The following RIPOR1 variants were observed in gnomAD, a reference collection of about 807,000 sequenced individuals.
The protein encoded by RIPOR1 is RHO family interacting cell polarization regulator 1.
Under a neutral mutation model 116.5 loss-of-function variants are expected in RIPOR1, and 58 were observed. The ratio of observed to expected loss-of-function variants is 0.50; its 90% CI spans 0.40 to 0.62. RIPOR1 has a LOEUF of 0.62. Among genes scored for constraint, RIPOR1 ranks in the 20% least tolerant of loss-of-function variants. The probability of loss-of-function intolerance (pLI) is 0.00; values close to 1 mark genes in which losing one functional copy is unlikely to be tolerated. For synonymous variants in RIPOR1, 605 were observed against 650.0 expected (o/e 0.93, Z 1.05); for missense variants, 1,372 against 1,586.2 (o/e 0.86, Z 2.29).
At chr16:67,534,409 G>A (rs115119675) in intron 1 of RIPOR1, among the ~76,000 whole-genome samples, 1,799 of 152,216 alleles carry the variant, frequency 0.012, 48 homozygotes, top group African/African-American at 0.041. Context: ...GTAAGCCACC[G>A]CACCGGCCCA....
rs2051147371 is a variant in RIPOR1 at position 67,545,833 on chromosome 16, G to A, written c.3360G>A (p.Leu1120=). The A allele has an allele frequency of 1.9e-6, 3 of 1,608,420 alleles. No individual in the cohort carries two copies. The East Asian group carries it at 6.7e-5, about 36-fold the overall frequency. ...CTGTCAGCACCCAGCTCCGGAGCCT[G>A]TCACTGGGCCCTACCTTCCGGGAGA... The part of the protein sequence containing the change: ...MAAVSTQLRS[L]SLGPTFRERA... The change falls in exon 19 of 22, where the codon CTG becomes CTA. Residue 1120 remains leucine, a synonymous_variant. Coordinates refer to ENST00000042381, the MANE Select transcript of RIPOR1 (RefSeq NM_024519.4). This position sits in a 1 kb window ranked among gnomAD's most constrained non-coding sequence, Gnocchi z 4.8.
rs1202095569 is a variant in RIPOR1 at position 67,542,199 on chromosome 16, A to C, written c.1413A>C (p.Glu471Asp). The C allele has an allele frequency of 1.2e-6, 2 of 1,613,734 alleles. No individual in the cohort carries two copies. Among genetic ancestry groups the C allele is most frequent in the Admixed American group, 3.3e-5 (2 of 59,982 alleles). Residue 471 changes from glutamate (E) to aspartate (D), a missense_variant, in exon 13 of 22, where the codon GAA becomes GAC. Physicochemically the swap from Glu to Asp is conservative, Grantham distance 45. Around this residue, in one of 3 missense-constraint regions of RIPOR1, gnomAD observed 1,005 missense variants for 1,144.7 expected, o/e 0.88. Transcript: ENST00000042381. The surrounding 1 kb of genome is among the most constrained non-coding windows in gnomAD (Gnocchi z 4.6). ...CTTCAGTGGAGGCCGTTGGCCCAGAAAGCCTAGCCTGGGGACCTAGCCCAC... is the reference window on the plus strand; with the variant it reads ...CTTCAGTGGAGGCCGTTGGCCCAGACAGCCTAGCCTGGGGACCTAGCCCAC... ...AEASVEAVGP[E>D]SLAWGPSPPT...
At chr16:67,538,634 T>C (rs774719944) in intron 2 of RIPOR1, 38 bp from the exon 3 acceptor site, 11 of 1,609,882 alleles carry the variant, frequency 6.8e-6, no homozygotes, top group Non-Finnish European at 9.3e-6. Context: ...TCTGGGGGAC[T>C]CCTGCTCTCC....
chr16:67,543,277 G>T lies in RIPOR1; in HGVS notation c.2478+13G>T. On this transcript the variant is annotated intron_variant, in intron 13 of 21. Transcript: ENST00000042381. This position sits in a 1 kb window ranked among gnomAD's most constrained non-coding sequence, Gnocchi z 4.7. ...AAGTCTGCTCATGGTGAGGAGGGCT[G>T]GGCTGGGCTAGGGCAACCAGGGAGG... 1 of 1,603,384 alleles carries T rather than the reference G, an allele frequency of 6.2e-7. No homozygotes were observed.
chr16:67,545,654 C>G lies in RIPOR1; in HGVS notation c.3191-10C>G. The stretch of plus-strand genomic sequence containing the variant: ...CTTGCCCACCCACCCACCATATCCC[C>G]TTTTTTCAGTGCTACTGGTGCGGAA... On this transcript the variant is annotated splice_polypyrimidine_tract_variant and intron_variant, in intron 18 of 21. Coordinates refer to ENST00000042381, the MANE Select transcript of RIPOR1 (RefSeq NM_024519.4). The surrounding 1 kb of genome is among the most constrained non-coding windows in gnomAD (Gnocchi z 4.8). The G allele has an allele frequency of 6.4e-7, 1 of 1,568,090 alleles. No individual in the cohort carries two copies. Among genetic ancestry groups the G allele is most frequent in the African/African-American group, 1.4e-5 (1 of 73,804 alleles).
chr16:67,528,936 CG>C (rs1370914665), intron 1 of RIPOR1, 22 bp downstream of exon 1: 2 of 191,340 alleles, frequency 1.0e-5, no homozygotes, highest in Admixed American at 6.0e-5. Flanking sequence ...GCGCCGTTTC[CG>C]GGGCTGCAGG....
At position 67,541,232 on chromosome 16, in the gene RIPOR1, A is replaced by AT; in HGVS notation, c.802-198_802-197insT. ...AGGTGCACCACCATGCCTGGCTAAAAATTTTTTTTTTTTTTTTTTTTGAGA... is the reference window on the plus strand; with the variant it reads ...AGGTGCACCACCATGCCTGGCTAAAATATTTTTTTTTTTTTTTTTTTTGAGA... On this transcript the variant is annotated intron_variant, in intron 10 of 21. Transcript: ENST00000042381. The surrounding 1 kb of genome is among the most constrained non-coding windows in gnomAD (Gnocchi z 4.6). 51 of 592,558 alleles carry AT rather than the reference A, an allele frequency of 8.6e-5. No homozygotes were observed. The highest frequency in any genetic ancestry group is 1.5e-4 in the South Asian group (6 of 40,252). 36.7% of individuals were successfully genotyped at this position (592,558 alleles called of 1,614,324 possible).
At position 67,538,827 on chromosome 16, in the gene RIPOR1, G is replaced by C; in HGVS notation, c.257+3G>C. 1 of 1,612,604 alleles carries C rather than the reference G, an allele frequency of 6.2e-7. No homozygotes were observed. The highest frequency in any genetic ancestry group is 8.5e-7 in the Non-Finnish European group (1 of 1,179,848). ...ACGGCGCTGAAGCGGGGCCTGACGT[G>C]AGCAGCTCCTCTGTTCCCAGCCCTG... On this transcript the variant is annotated splice_donor_region_variant and intron_variant, in intron 3 of 21. Coordinates refer to ENST00000042381, the MANE Select transcript of RIPOR1 (RefSeq NM_024519.4).
At position 67,540,505 on chromosome 16, in the gene RIPOR1, T is replaced by C. The variant is rs75204333; in HGVS notation, c.675+4T>C. ...GTGTGTAGGCGATCAGTATGAGGTATGAGAATGTGCAGGGAAGGGCTGGGT... is the reference window on the plus strand; with the variant it reads ...GTGTGTAGGCGATCAGTATGAGGTACGAGAATGTGCAGGGAAGGGCTGGGT... On this transcript the variant is annotated splice_donor_region_variant and intron_variant, in intron 9 of 21. Transcript: ENST00000042381. This position sits in a 1 kb window ranked among gnomAD's most constrained non-coding sequence, Gnocchi z 4.7. The C allele has an allele frequency of 0.039, 63,208 of 1,614,042 alleles. 1,452 individuals are homozygous for C. The highest frequency in any genetic ancestry group is 0.1 in the Middle Eastern group (608 of 6,058).
At chr16:67,520,871 G>A (rs1445679289) in intron 1 of RIPOR1, among the ~76,000 whole-genome samples, 1 of 152,228 alleles carries the variant, frequency 6.6e-6, no homozygotes, top group East Asian at 1.9e-4. Flanking sequence ...GGCATGAAGG[G>A]AGATAGCCAG....
In RIPOR1 at chr16:67,538,421, C is replaced by G; in HGVS notation, c.-23-3C>G. 6.4e-7 allele frequency: 1 copy of G among 1,573,738 alleles called. No homozygotes were observed. The highest frequency in any genetic ancestry group is 8.6e-7 in the Non-Finnish European group (1 of 1,159,690). On this transcript the variant is annotated splice_region_variant and splice_polypyrimidine_tract_variant and intron_variant, in intron 1 of 21. Coordinates refer to ENST00000042381, the MANE Select transcript of RIPOR1 (RefSeq NM_024519.4). ...TACTGGACACCCCCCCGATCACCCG[C>G]AGGGAGCCCCGCGCGGACTCACTCT...
At chr16:67,532,414 CTA>C (rs1216335380) in intron 1 of RIPOR1, among the ~76,000 whole-genome samples, 33 of 151,782 alleles carry the variant, frequency 2.2e-4, no homozygotes, top group African/African-American at 7.5e-4. Context: ...CTGCAGTGAG[CTA>C]TGAACACACC....
rs2050888917 is a variant in RIPOR1 at position 67,538,926 on chromosome 16, C to G, written c.258-64C>G. On this transcript the variant is annotated intron_variant, in intron 3 of 21. Coordinates refer to ENST00000042381, the MANE Select transcript of RIPOR1 (RefSeq NM_024519.4). Reference sequence around the variant, plus strand: ...CAGCCCCATGCCCTCTCCCTGCTGTCTGCACCCTGGGCAGCATGAGGCTGG... The same window carrying G: ...CAGCCCCATGCCCTCTCCCTGCTGTGTGCACCCTGGGCAGCATGAGGCTGG... 8 of 1,610,010 alleles carry G rather than the reference C, an allele frequency of 5.0e-6. No individual in the cohort carries two copies. The Admixed American group carries it at 5.0e-5, about 10-fold the overall frequency.
In RIPOR1 at chr16:67,543,501, T is replaced by C. The variant is rs2051065091; in HGVS notation, c.2600+32T>C. On this transcript the variant is annotated intron_variant, in intron 14 of 21. Transcript: ENST00000042381. This position sits in a 1 kb window ranked among gnomAD's most constrained non-coding sequence, Gnocchi z 4.7. Reference sequence around the variant, plus strand: ...GGGCTAGGCAAGATGGGTGTGAGGCTAGGTGAGAGGGAAAAGGTGAGGCAG... The same window carrying C: ...GGGCTAGGCAAGATGGGTGTGAGGCCAGGTGAGAGGGAAAAGGTGAGGCAG... The C allele has an allele frequency of 1.3e-6, 2 of 1,544,958 alleles. No homozygotes were observed. The highest frequency in any genetic ancestry group is 1.4e-5 in the African/African-American group (1 of 72,996).
chr16:67,545,785 T>G lies in RIPOR1; in HGVS notation c.3312T>G (p.His1104Gln). 6.2e-7 allele frequency: 1 copy of G among 1,613,008 alleles called. No homozygotes were observed. Among genetic ancestry groups the G allele is most frequent in the Non-Finnish European group, 8.5e-7 (1 of 1,179,552 alleles). ...GLRALSSLLV[H>Q]GNNKVMAAVS... Reference sequence around the variant, plus strand: ...GGGCCCTCAGCTCCCTGCTCGTCCATGGCAACAACAAGGTCATGGCTGCTG... The same window carrying G: ...GGGCCCTCAGCTCCCTGCTCGTCCAGGGCAACAACAAGGTCATGGCTGCTG... Residue 1104 changes from histidine (H) to glutamine (Q), a missense_variant, in exon 19 of 22, where the codon CAT (histidine) becomes CAG (glutamine). This residue lies in a region of RIPOR1 where 1,005 missense variants were observed against 1,144.7 expected (regional missense o/e 0.88). Coordinates refer to ENST00000042381, the MANE Select transcript of RIPOR1 (RefSeq NM_024519.4). This position sits in a 1 kb window ranked among gnomAD's most constrained non-coding sequence, Gnocchi z 4.8.
Position 67,529,359 on chromosome 16 carries a change from C to A in RIPOR1, c.-24+445C>A. The A allele has an allele frequency of 6.0e-6, 1 of 166,594 alleles. No individual in the cohort carries two copies. Among genetic ancestry groups the A allele is most frequent in the Non-Finnish European group, 1.3e-5 (1 of 76,924 alleles). 10.3% of individuals were successfully genotyped at this position (166,594 alleles called of 1,614,324 possible). A position where few individuals can be genotyped will look rare whatever the true frequency, so the allele number is the denominator to read the frequency against. The stretch of plus-strand genomic sequence containing the variant: ...CGGCCTAGGAGCTGAGCTAATCCTC[C>A]TAGCTCTAGGGGCCGGCCTAAGCGG... On this transcript the variant is annotated intron_variant, in intron 1 of 21. Coordinates refer to ENST00000042381, the MANE Select transcript of RIPOR1 (RefSeq NM_024519.4). This position sits in a 1 kb window ranked among gnomAD's most constrained non-coding sequence, Gnocchi z 4.1.
rs2051092879 is a variant in RIPOR1, at chr16:67,544,280, G to GACCCCATT, written c.2601-18_2601-11dup. ...GGTGATGTGTGCCTGTGGGGTGGTG[G>GACCCCATT]ACCCCATTTTTCCCTCAGGCCTCCA... On this transcript the variant is annotated intron_variant, in intron 14 of 21. Coordinates refer to ENST00000042381, the MANE Select transcript of RIPOR1 (RefSeq NM_024519.4). This position sits in a 1 kb window ranked among gnomAD's most constrained non-coding sequence, Gnocchi z 5.1. The GACCCCATT allele has an allele frequency of 6.3e-7, 1 of 1,587,246 alleles. No individual in the cohort carries two copies. Among genetic ancestry groups the GACCCCATT allele is most frequent in the Non-Finnish European group, 8.6e-7 (1 of 1,159,634 alleles).
chr16:67,538,716 C>G lies in RIPOR1; in HGVS notation c.149C>G (p.Pro50Arg), dbSNP rs776712527. Residue 50 changes from proline to arginine, a missense_variant, in exon 3 of 22, where the codon CCC becomes CGC. Pro to Arg is a moderately radical substitution (Grantham distance 103). Transcript: ENST00000042381. ...FSPPGPPRKP[P>R]ALSRVSRMFS... ...CCGCCGGGGCCCCCACGGAAGCCCC[C>G]CGCGCTCTCCCGAGTGTCCAGGATG... 31 of 1,613,258 alleles carry G rather than the reference C, an allele frequency of 1.9e-5. No individual in the cohort carries two copies. Among genetic ancestry groups the G allele is most frequent in the Non-Finnish European group, 2.6e-5 (31 of 1,179,964 alleles).
Position 67,546,719 on chromosome 16 carries a change from A to G in RIPOR1, c.*256A>G, listed in dbSNP as rs1597662400. On this transcript the variant is annotated 3_prime_UTR_variant, in exon 22 of 22. Transcript: ENST00000042381. ...TTGGCCACCCTGCCGCTGCCCAGCC[A>G]CATCCCTTGGTTTTGTATTTTATTT... 4 of 564,070 alleles carry G rather than the reference A, an allele frequency of 7.1e-6. No individual in the cohort carries two copies. The East Asian group carries it at 1.2e-4, about 17-fold the overall frequency. 34.9% of individuals were successfully genotyped at this position (564,070 alleles called of 1,614,324 possible).
Sources: gnomAD v4.1 joint callset for allele counts (sites outside exome capture counted in the v4.1 genomes callset) on GRCh38, gnomAD v4.1.1 for gene constraint, gnomAD v4.1.1 regional missense constraint, Gnocchi (gnomAD v3.1) non-coding constraint, MANE v1.5 for transcripts, NCBI Gene and HGNC (gene_info 2026-07-23, HGNC 2026-07-21) for gene names.